Variants in CAPZB observed in about 807,000 individuals in gnomAD.
The protein encoded by CAPZB is capping actin protein of muscle Z-line subunit beta, also known as F-actin-capping protein subunit beta.
A neutral mutation model predicts 38.1 loss-of-function variants in CAPZB; 2 were observed. That is an observed-to-expected ratio of 0.05 (90% CI 0.02 to 0.17). The LOEUF is 0.17. Ranked by LOEUF, CAPZB falls within the 10% of genes least tolerant of loss-of-function variation. The pLI, the probability that CAPZB is intolerant of heterozygous loss-of-function variation, is 1.00. For missense variants in CAPZB, 161 were observed against 334.2 expected, an observed-to-expected ratio of 0.48 and a Z score of 4.04; for synonymous variants, 107 against 127.4, an observed-to-expected ratio of 0.84 and a Z score of 1.08.
intron 1 of CAPZB, chr1:19,424,819 A>T (rs1022344515): frequency 1.3e-5 from 2 of 152,360 alleles, no homozygotes; most frequent in Non-Finnish European, 2.9e-5. Flanking sequence ...AAACAAGACC[A>T]TCATCCTGGA....
intron 2 of CAPZB, among the ~76,000 whole-genome samples, chr1:19,412,200 C>T (rs1349625298): frequency 1.3e-5 from 2 of 152,190 alleles, no homozygotes; most frequent in Non-Finnish European, 2.9e-5. Context: ...AAACATCAGT[C>T]ACAACAGAGA....
rs191738492 is a variant in CAPZB at position 19,355,524 on chromosome 1, C to T, written c.588+1111G>A. On this transcript the variant is annotated intron_variant, in intron 6 of 8. Transcript: ENST00000264202. The stretch of plus-strand genomic sequence containing the variant: ...AAAAAAAAAAAAAATTTTACTGCAT[C>T]GATCCTTTCGGTCATATTTTTTCTA... Among the ~76,000 whole-genome samples, 3 of 151,846 alleles carry T rather than the reference C, an allele frequency of 2.0e-5. 1 individual carries two copies. Among genetic ancestry groups the T allele is most frequent in the South Asian group, 2.1e-4 (1 of 4,810 alleles).
chr1:19,449,020 C>T lies in CAPZB; in HGVS notation c.4-29270G>A, dbSNP rs2094505861. On this transcript the variant is annotated intron_variant, in intron 1 of 8. Coordinates refer to ENST00000264202, the MANE Select transcript of CAPZB (RefSeq NM_004930.5). ...ACTAGGGACGCTGCCCCAGGCTGCT[C>T]GCTGCCCGCTCCTGACTTCTCCCAT... 9 of 1,532,098 alleles carry T rather than the reference C, an allele frequency of 5.9e-6. 1 individual carries two copies. Among genetic ancestry groups the T allele is most frequent in the Non-Finnish European group, 7.9e-6 (9 of 1,133,962 alleles). 94.9% of individuals were successfully genotyped at this position (1,532,098 alleles called of 1,614,324 possible). A position where few individuals can be genotyped will look rare whatever the true frequency, so the allele number is the denominator to read the frequency against.
In CAPZB at chr1:19,343,710, GC is replaced by G. The variant is rs2093945198; in HGVS notation, c.731+647del. ...CAGAGGCCTGCCTCCTGCTCTGTCCGCCGTGGACCTGGAGGGTCCAGAGAGC... is the reference window on the plus strand; with the variant it reads ...CAGAGGCCTGCCTCCTGCTCTGTCCGCGTGGACCTGGAGGGTCCAGAGAGC... On this transcript the variant is annotated intron_variant, in intron 8 of 8. Coordinates refer to ENST00000264202, the MANE Select transcript of CAPZB (RefSeq NM_004930.5). 3.9e-5 allele frequency among the ~76,000 whole-genome samples: 6 copies of G among 152,348 alleles called. No homozygotes were observed. The South Asian group carries it at 1.2e-3, about 32-fold the overall frequency.
At chr1:19,484,464 G>A in intron 1 of CAPZB, 4 of 1,463,832 alleles carry the variant, frequency 2.7e-6, no homozygotes, top group Non-Finnish European at 3.6e-6. Context: ...CAGCACCCAC[G>A]GCGGCAGCCT....
intron 1 of CAPZB, among the ~76,000 whole-genome samples, chr1:19,462,326 C>G (rs1274346002): frequency 6.6e-6 from 1 of 151,272 alleles, no homozygotes; most frequent in Admixed American, 6.6e-5. Context: ...GGCGTGGTGG[C>G]GGGCGCCTGT....
intron 4 of CAPZB, among the ~76,000 whole-genome samples, chr1:19,372,102 T>C (rs537139765): frequency 6.6e-6 from 1 of 152,336 alleles, no homozygotes; most frequent in South Asian, 2.1e-4. Context: ...GGAGGGCTGA[T>C]TGGAAAAGCT....
rs371266696 is a variant in CAPZB, at chr1:19,418,854, T to G, written c.93+807A>C. 1.0e-3 allele frequency among the ~76,000 whole-genome samples: 159 copies of G among 152,260 alleles called. 1 individual carries two copies. The South Asian group carries it at 0.012, about 12-fold the overall frequency. The stretch of plus-strand genomic sequence containing the variant: ...AACCCACTCTAAAAAGATACCTCAC[T>G]GATGAGCCATGCTTGGCAATGGATA... On this transcript the variant is annotated intron_variant, in intron 2 of 8. Transcript: ENST00000264202.
At chr1:19,467,925 C>G (rs1483962794) in intron 1 of CAPZB, among the ~76,000 whole-genome samples, 1 of 152,170 alleles carries the variant, frequency 6.6e-6, no homozygotes. Flanking sequence ...GTGCCCATTC[C>G]ACCCCTGCAG....
intron 1 of CAPZB, among the ~76,000 whole-genome samples, chr1:19,482,811 A>G (rs563322640): frequency 2.6e-4 from 39 of 152,308 alleles, no homozygotes; most frequent in African/African-American, 8.4e-4. Flanking sequence ...TTTACCTACA[A>G]TGCAACCTCA....
chr1:19,445,668 G>C (rs894544386), intron 1 of CAPZB, among the ~76,000 whole-genome samples: 6 of 152,192 alleles, frequency 3.9e-5, no homozygotes, highest in African/African-American at 1.4e-4. Flanking sequence ...GAAATGGCCA[G>C]ACAGAAAGTG....
intron 4 of CAPZB, among the ~76,000 whole-genome samples, chr1:19,372,364 T>C (rs1265413319): frequency 2.0e-5 from 3 of 152,202 alleles, no homozygotes; most frequent in African/African-American, 7.2e-5. Flanking sequence ...GGAGTAATCA[T>C]CTTTGGAAGA....
chr1:19,409,024 T>C (rs1203657134), intron 2 of CAPZB, among the ~76,000 whole-genome samples: 2 of 152,140 alleles, frequency 1.3e-5, no homozygotes, highest in Non-Finnish European at 2.9e-5. Context: ...CTTAGGGCCA[T>C]TGTCAAAAAA....
At chr1:19,346,452 TAAAAAAAA>T (rs200968507) in intron 6 of CAPZB, among the ~76,000 whole-genome samples, 48 of 73,282 alleles carry the variant, frequency 6.6e-4, no homozygotes, top group African/African-American at 2.6e-3. Flanking sequence ...TGAGAGAAGC[TAAAAAAAA>T]AAAAAAAAAA....
intron 1 of CAPZB, among the ~76,000 whole-genome samples, chr1:19,451,416 T>C (rs541586792): frequency 2.4e-4 from 36 of 152,270 alleles, no homozygotes; most frequent in African/African-American, 8.4e-4. Context: ...AATCCCGAAA[T>C]TGGCAACATA....
chr1:19,360,157 G>C (rs551824362), intron 4 of CAPZB, among the ~76,000 whole-genome samples: 1 of 152,278 alleles, frequency 6.6e-6, no homozygotes, highest in East Asian at 1.9e-4. Flanking sequence ...TTGTTCTCCT[G>C]GATTCTTGCA....
chr1:19,416,359 A>G lies in CAPZB; in HGVS notation c.93+3302T>C, dbSNP rs1048145493. ...GAACCTGGCAAGCAGGAGAAACCAG[A>G]CCTCCCGGCGCTCCCAAGCCACATC... On this transcript the variant is annotated intron_variant, in intron 2 of 8. Transcript: ENST00000264202. Among the ~76,000 whole-genome samples the G allele has an allele frequency of 2.6e-5, 4 of 151,954 alleles. No homozygotes were observed. The South Asian group carries it at 8.3e-4, about 32-fold the overall frequency.
intron 1 of CAPZB, among the ~76,000 whole-genome samples, chr1:19,448,195 C>T (rs756417230): frequency 2.0e-5 from 3 of 152,236 alleles, no homozygotes; most frequent in Non-Finnish European, 4.4e-5. Context: ...AAGGGTGGTG[C>T]GCCGCTGCGC....
intron 2 of CAPZB, among the ~76,000 whole-genome samples, chr1:19,406,547 G>A (rs1420033529): frequency 1.3e-5 from 2 of 152,134 alleles, no homozygotes; most frequent in Admixed American, 6.6e-5. Flanking sequence ...CAGTGACAAG[G>A]AGAAAGCTAC....
Sources: gnomAD v4.1 joint callset for allele counts (sites outside exome capture counted in the v4.1 genomes callset) on GRCh38, gnomAD v4.1.1 for gene constraint, MANE v1.5 for transcripts, NCBI Gene and HGNC (gene_info 2026-07-23, HGNC 2026-07-21) for gene names.